SSX2IP: variants seen among roughly 807,000 people sequenced by gnomAD.
SSX2IP encodes afadin- and alpha-actinin-binding protein.
In SSX2IP, 55 loss-of-function variants were observed where a neutral mutation model predicts 84.9. That is an observed-to-expected ratio of 0.65 (90% confidence interval 0.52 to 0.81). The LOEUF (loss-of-function observed/expected upper bound fraction) is 0.81. SSX2IP is among the 30% of genes least tolerant of loss of function. SSX2IP has a pLI of 0.00. For synonymous variants in SSX2IP, 239 were observed against 234.7 expected, an observed-to-expected ratio of 1.02 and a Z score of -0.17; for missense variants, 664 against 705.2, an observed-to-expected ratio of 0.94 and a Z score of 0.66.
intron 8 of SSX2IP, 112 bp from the exon 9 acceptor site, chr1:84,658,580 C>G: frequency 7.7e-7 from 1 of 1,293,658 alleles, no homozygotes; most frequent in South Asian, 1.7e-5. Flanking sequence ...AAAATCATTT[C>G]TGTGCTGTGT....
In SSX2IP at chr1:84,647,287, C is replaced by G. The variant is rs577157689; in HGVS notation, c.*146G>C. On this transcript the variant is annotated 3_prime_UTR_variant, in exon 14 of 14. Coordinates refer to ENST00000342203, the MANE Select transcript of SSX2IP (RefSeq NM_001166293.2). Reference sequence around the variant, plus strand: ...CTTTTAAATAGATTTAAGATTTCAACTCTTTGGGGGAAGACAGGGAAGTCC... The same window carrying G: ...CTTTTAAATAGATTTAAGATTTCAAGTCTTTGGGGGAAGACAGGGAAGTCC... 2 of 597,020 alleles carry G rather than the reference C, an allele frequency of 3.3e-6. No homozygotes were observed. Among genetic ancestry groups the G allele is most frequent in the Non-Finnish European group, 5.4e-6 (2 of 367,340 alleles). 37.0% of individuals were successfully genotyped at this position (597,020 alleles called of 1,614,324 possible).
intron 1 of SSX2IP, among the ~76,000 whole-genome samples, chr1:84,685,805 T>C (rs1655701846): frequency 1.3e-5 from 2 of 152,204 alleles, no homozygotes; most frequent in South Asian, 4.1e-4. Context: ...GTCTAGATCC[T>C]ATGCAGGGGG....
chr1:84,684,384 A>C (rs1409183593), intron 1 of SSX2IP, among the ~76,000 whole-genome samples: 1 of 152,238 alleles, frequency 6.6e-6, no homozygotes, highest in East Asian at 1.9e-4. Flanking sequence ...AGAGAACACC[A>C]AAAAGGAATT....
intron 4 of SSX2IP, among the ~76,000 whole-genome samples, chr1:84,669,311 T>C (rs965828430): frequency 2.0e-5 from 3 of 152,160 alleles, no homozygotes; most frequent in Admixed American, 2.0e-4. Flanking sequence ...GATGCCTCAA[T>C]AATATTTTTC....
At chr1:84,662,598 T>G (rs1316206459) in intron 6 of SSX2IP, 68 bp from the exon 7 acceptor site, 5 of 1,504,440 alleles carry the variant, frequency 3.3e-6, no homozygotes, top group Non-Finnish European at 4.6e-6. Context: ...TCTAATGCAT[T>G]CTATACACGT....
rs544519937 is a variant in SSX2IP, at chr1:84,685,676, A to G, written c.-90+4695T>C. Among the ~76,000 whole-genome samples, 7 of 152,328 alleles carry G rather than the reference A, an allele frequency of 4.6e-5. No homozygotes were observed. The East Asian group carries it at 1.3e-3, about 29-fold the overall frequency. On this transcript the variant is annotated intron_variant, in intron 1 of 13. Transcript: ENST00000342203. ...CAGGCCTGGTTTCCTCCTGACATTC[A>G]ACAAATATGCTGAGCAAATGATATC...
intron 11 of SSX2IP, among the ~76,000 whole-genome samples, chr1:84,652,820 T>G (rs979388544): frequency 1.3e-5 from 2 of 151,810 alleles, no homozygotes; most frequent in African/African-American, 4.8e-5. Flanking sequence ...GGTCAGGAGA[T>G]CGAGACCATC....
rs1367834593 is a variant in SSX2IP, at chr1:84,646,449, A to G, written c.*984T>C. 6.6e-6 allele frequency: 1 copy of G among 152,554 alleles called. No individual in the cohort carries two copies. 9.5% of individuals were successfully genotyped at this position (152,554 alleles called of 1,614,324 possible). On this transcript the variant is annotated 3_prime_UTR_variant, in exon 14 of 14. Transcript: ENST00000342203. ...GTAAATACCTCATTAAAAAATTATT[A>G]AAAAATTATTGACAATACAAAGCCC... is the stretch of plus-strand genomic sequence containing the variant.
chr1:84,690,028 C>G (rs1180359001), intron 1 of SSX2IP: 3 of 152,284 alleles, frequency 2.0e-5, no homozygotes, highest in African/African-American at 4.8e-5. Context: ...CCGCGCTGCT[C>G]GTCCCCCAAC....
At chr1:84,679,164 AG>A (rs3835685) in intron 1 of SSX2IP, among the ~76,000 whole-genome samples, 107,869 of 151,944 alleles carry the variant, frequency 0.71, 39,741 homozygotes, top group Middle Eastern at 0.81. Context: ...TTTAGTCATC[AG>A]TATTGACTCT....
At chr1:84,688,981 T>A (rs75798895) in intron 1 of SSX2IP, among the ~76,000 whole-genome samples, 9,886 of 152,296 alleles carry the variant, frequency 0.065, 445 homozygotes, top group South Asian at 0.095. Context: ...AACCGTTTTG[T>A]TTGAGAAACC....
intron 13 of SSX2IP, among the ~76,000 whole-genome samples, chr1:84,648,009 A>C (rs1160343976): frequency 1.3e-5 from 2 of 152,130 alleles, no homozygotes; most frequent in African/African-American, 4.8e-5. Context: ...ATCCCTGTAC[A>C]AATGATCAAA....
intron 5 of SSX2IP, 124 bp downstream of exon 5, chr1:84,665,997 CA>C (rs1652729825): frequency 1.4e-6 from 1 of 710,328 alleles, no homozygotes; most frequent in African/African-American, 1.8e-5. Context: ...TCCACCATAT[CA>C]ATTTGGGGAA....
At chr1:84,678,858 A>G (rs1175468297) in intron 1 of SSX2IP, among the ~76,000 whole-genome samples, 1 of 152,230 alleles carries the variant, frequency 6.6e-6, no homozygotes, top group Non-Finnish European at 1.5e-5. Flanking sequence ...CTTGAAAGTC[A>G]AACTTGAGAA....
chr1:84,671,491 T>TC (rs1653573774), intron 1 of SSX2IP, among the ~76,000 whole-genome samples, 183 bp from the exon 2 acceptor site: 1 of 152,146 alleles, frequency 6.6e-6, no homozygotes, highest in Non-Finnish European at 1.5e-5. Context: ...TATGTAAGGA[T>TC]CAAGGTTAAA....
At chr1:84,686,962 C>T (rs1160954852) in intron 1 of SSX2IP, among the ~76,000 whole-genome samples, 1 of 151,810 alleles carries the variant, frequency 6.6e-6, no homozygotes, top group Non-Finnish European at 1.5e-5. Context: ...CTTTATTAGA[C>T]GCTCATGGAT....
chr1:84,656,486 T>C lies in SSX2IP; in HGVS notation c.1079-2A>G. On this transcript the variant is annotated splice_acceptor_variant, in intron 9 of 13. Coordinates refer to ENST00000342203, the MANE Select transcript of SSX2IP (RefSeq NM_001166293.2). LOFTEE classifies it high-confidence loss of function. ...AACCTTCCAGGTGTACCTTTGAAAC[T>C]AAGACAAAATCAGTAAGTTGACATA... The C allele has an allele frequency of 6.2e-7, 1 of 1,609,986 alleles. No homozygotes were observed. The highest frequency in any genetic ancestry group is 8.5e-7 in the Non-Finnish European group (1 of 1,178,324).
chr1:84,660,173 G>A (rs986920491), intron 8 of SSX2IP, among the ~76,000 whole-genome samples: 7 of 152,092 alleles, frequency 4.6e-5, no homozygotes, highest in Non-Finnish European at 1.0e-4. Flanking sequence ...AAAAATTAAA[G>A]AGAAAAGGGA....
intron 8 of SSX2IP, among the ~76,000 whole-genome samples, chr1:84,660,876 C>A (rs1651852887): frequency 7.0e-6 from 1 of 143,104 alleles, no homozygotes; most frequent in East Asian, 2.0e-4. Flanking sequence ...CATGGTAAAA[C>A]CCCGTCTCTA....
Sources: gnomAD v4.1 joint callset for allele counts (sites outside exome capture counted in the v4.1 genomes callset) on GRCh38, gnomAD v4.1.1 for gene constraint, MANE v1.5 for transcripts, NCBI Gene and HGNC (gene_info 2026-07-23, HGNC 2026-07-21) for gene names.